CUX1: variants seen among roughly 807,000 people sequenced by gnomAD.
CUX1 encodes cut like homeobox 1, also known as protein CASP.
Under a neutral mutation model 158.8 loss-of-function variants are expected in CUX1, and 31 were observed. The observed-to-expected ratio is 0.20, with a 90% confidence interval of 0.15 to 0.26. The LOEUF (loss-of-function observed/expected upper bound fraction) is 0.26. Among genes scored for constraint, CUX1 ranks in the 10% least tolerant of loss-of-function variants. The pLI is 1.00. For missense variants in CUX1, 1,589 were observed against 2,014.6 expected, an observed-to-expected ratio of 0.79 and a Z score of 4.04; for synonymous variants, 879 against 862.1, an observed-to-expected ratio of 1.02 and a Z score of -0.34.
At chr7:102,216,532 C>CCA (rs1797077335) in intron 20 of CUX1, among the ~76,000 whole-genome samples, 1 of 88,454 alleles carries the variant, frequency 1.1e-5, no homozygotes, top group African/African-American at 4.5e-5. Context: ...ACACTCTCCC[C>CCA]CCCACACACA....
intron 1 of CUX1, chr7:101,822,500 G>A (rs1338833847): frequency 6.6e-6 from 1 of 152,146 alleles, no homozygotes; most frequent in Non-Finnish European, 1.5e-5. Context: ...TTTGTCCTGC[G>A]CCTGAAACAG....
intron 8 of CUX1, among the ~76,000 whole-genome samples, chr7:102,132,041 A>C (rs1351150618): frequency 2.0e-5 from 3 of 152,104 alleles, no homozygotes; most frequent in Non-Finnish European, 4.4e-5. Flanking sequence ...TTTTAGGTGT[A>C]TATTTATATA....
intron 9 of CUX1, among the ~76,000 whole-genome samples, chr7:102,162,847 A>G (rs1211504656): frequency 1.3e-5 from 2 of 152,146 alleles, no homozygotes; most frequent in Admixed American, 1.3e-4. Context: ...CTGGCTCTCC[A>G]GAGTTGCCAC....
chr7:102,169,122 G>A (rs1324387471), intron 9 of CUX1, among the ~76,000 whole-genome samples: 14 of 151,554 alleles, frequency 9.2e-5, no homozygotes, highest in African/African-American at 2.7e-4. Context: ...TAGTAGAGAC[G>A]AGGTTTCTCC....
At chr7:101,848,503 T>G (rs998916083) in intron 1 of CUX1, among the ~76,000 whole-genome samples, 2 of 152,142 alleles carry the variant, frequency 1.3e-5, no homozygotes, top group Non-Finnish European at 2.9e-5. Context: ...AAAGAATTTG[T>G]TGGGCGAGGG....
At chr7:101,870,392 G>C (rs13229095) in intron 1 of CUX1, among the ~76,000 whole-genome samples, 13,026 of 151,826 alleles carry the variant, frequency 0.086, 732 homozygotes, top group Non-Finnish European at 0.13. Context: ...GTCTGGTTTC[G>C]AACTCCTGGC....
chr7:102,133,467 CTTTTTTT>C (rs11266929), intron 8 of CUX1, among the ~76,000 whole-genome samples: 108 of 90,584 alleles, frequency 1.2e-3, no homozygotes, highest in African/African-American at 5.1e-3. Context: ...AAAAATACAT[CTTTTTTT>C]TTTTTTTTTT....
chr7:102,201,012 G>A lies in CUX1; in HGVS notation c.2063-348G>A, dbSNP rs1018093334. Among the ~76,000 whole-genome samples the A allele has an allele frequency of 5.1e-5, 6 of 118,792 alleles. No individual in the cohort carries two copies. Among genetic ancestry groups the A allele is most frequent in the Non-Finnish European group, 9.8e-5 (6 of 61,450 alleles). The allele number at this position is 118,792 out of a possible 152,430, so 77.9% of individuals were successfully genotyped here. On this transcript the variant is annotated intron_variant, in intron 17 of 23. Coordinates refer to ENST00000292535, the MANE Select transcript of CUX1 (RefSeq NM_181552.4). This position sits in a 1 kb window ranked among gnomAD's most constrained non-coding sequence, Gnocchi z 5.0. ...ACTGCGCTCCAGCCTGGACAACAGC[G>A]AGATCCTGTCGCTAAAAAAAAAAAA... is the stretch of plus-strand genomic sequence containing the variant.
chr7:101,857,056 G>C (rs1052601037), intron 1 of CUX1, among the ~76,000 whole-genome samples: 2 of 152,210 alleles, frequency 1.3e-5, no homozygotes, highest in Non-Finnish European at 2.9e-5. Flanking sequence ...AGGCCCTTCA[G>C]ATCCTCTCCA....
intron 1 of CUX1, among the ~76,000 whole-genome samples, chr7:101,825,362 C>T (rs976899811): frequency 6.6e-6 from 1 of 152,188 alleles, no homozygotes; most frequent in Non-Finnish European, 1.5e-5. Context: ...CATGCTGTCT[C>T]GTCACTCAGC....
chr7:102,103,397 C>T (rs1184632014), intron 5 of CUX1, among the ~76,000 whole-genome samples: 1 of 151,366 alleles, frequency 6.6e-6, no homozygotes, highest in Non-Finnish European at 1.5e-5. Flanking sequence ...CTGTCTCCCT[C>T]TCTTTCTTTT....
intron 20 of CUX1, among the ~76,000 whole-genome samples, chr7:102,216,594 A>ACACT (rs1183478072): frequency 2.8e-5 from 1 of 35,874 alleles, no homozygotes; most frequent in African/African-American, 9.5e-5. Flanking sequence ...CCACACACAC[A>ACACT]CTCCCACACA....
chr7:102,257,469 TTC>T lies in CUX1; in HGVS notation c.*8429_*8430del. 1.0e-6 allele frequency: 1 copy of T among 985,292 alleles called. No individual in the cohort carries two copies. Among genetic ancestry groups the T allele is most frequent in the East Asian group, 1.1e-4 (1 of 8,812 alleles). The allele number at this position is 985,292 out of a possible 1,614,324, so 61.0% of individuals were successfully genotyped here. ...TGGAGATGTGAGAATTCACCCAAAA[TTC>T]TTAAAACATTGGAGAATAGCTTGTT... is the stretch of plus-strand genomic sequence containing the variant. On this transcript the variant is annotated 3_prime_UTR_variant, in exon 24 of 24. Coordinates refer to ENST00000292535, the MANE Select transcript of CUX1 (RefSeq NM_181552.4).
intron 1 of CUX1, among the ~76,000 whole-genome samples, chr7:101,854,331 GT>G (rs1796570642): frequency 6.6e-6 from 1 of 152,196 alleles, no homozygotes; most frequent in Admixed American, 6.5e-5. Context: ...TTTGGAGTCT[GT>G]CTGCAGAGCA....
rs1178780538 is a variant in CUX1, at chr7:102,256,121, C to A, written c.*7079C>A. On this transcript the variant is annotated 3_prime_UTR_variant, in exon 24 of 24. Coordinates refer to ENST00000292535, the MANE Select transcript of CUX1 (RefSeq NM_181552.4). The stretch of plus-strand genomic sequence containing the variant: ...CACTGTGCTGGGCGTGCAGGGCCCG[C>A]GGGCTCTGGCCGGAGCCGCTGGCCT... 1.4e-5 allele frequency: 14 copies of A among 985,400 alleles called. No individual in the cohort carries two copies. Among genetic ancestry groups the A allele is most frequent in the Non-Finnish European group, 1.7e-5 (14 of 829,930 alleles). 61.0% of individuals were successfully genotyped at this position (985,400 alleles called of 1,614,324 possible). A position where few individuals can be genotyped will look rare whatever the true frequency, so the allele number is the denominator to read the frequency against.
intron 23 of CUX1, among the ~76,000 whole-genome samples, chr7:102,243,253 G>T (rs1800417496): frequency 6.6e-6 from 1 of 152,084 alleles, no homozygotes; most frequent in African/African-American, 2.4e-5. Flanking sequence ...CAGTCTGGGT[G>T]ACACAGCGAG....
At chr7:102,280,455 A>T (rs1470233737) in intron 19 of CUX1, among the ~76,000 whole-genome samples, 1 of 152,090 alleles carries the variant, frequency 6.6e-6, no homozygotes, top group Non-Finnish European at 1.5e-5. Flanking sequence ...GACAAGGAAA[A>T]ACCAGTTACA....
chr7:102,210,184 C>T (rs1007269591), intron 20 of CUX1, among the ~76,000 whole-genome samples: 16 of 152,302 alleles, frequency 1.1e-4, no homozygotes, highest in Middle Eastern at 6.8e-3. Context: ...GCAACCTACA[C>T]CTCCGGGGTT....
intron 4 of CUX1, among the ~76,000 whole-genome samples, chr7:102,080,577 A>G (rs1224226269): frequency 6.6e-6 from 1 of 152,174 alleles, no homozygotes; most frequent in African/African-American, 2.4e-5. Flanking sequence ...CTGTGCAAAC[A>G]TGAGCCTCAT....
Sources: allele counts gnomAD v4.1 joint callset (sites outside exome capture counted in the v4.1 genomes callset), GRCh38; gene constraint gnomAD v4.1.1; non-coding constraint Gnocchi (gnomAD v3.1); transcripts MANE v1.5; gene names NCBI Gene and HGNC (gene_info 2026-07-23, HGNC 2026-07-21).